NKX2-2: variants seen among roughly 807,000 people sequenced by gnomAD.
The protein encoded by NKX2-2 is homeobox protein Nkx-2.2.
NKX2-2 carries 8 observed loss-of-function variants against 24.6 expected under a neutral mutation model. That is an observed-to-expected ratio of 0.32 (90% CI 0.19 to 0.59). The LOEUF (loss-of-function observed/expected upper bound fraction) is 0.59, where lower values mean the gene tolerates loss of function less well. NKX2-2 is among the 20% of genes least tolerant of loss of function. The pLI is 0.86. For missense variants in NKX2-2, 381 were observed against 373.9 expected, an observed-to-expected ratio of 1.02 and a Z score of -0.16; for synonymous variants, 217 against 173.3, an observed-to-expected ratio of 1.25 and a Z score of -1.98.
chr20:21,521,911 T>TC, the NKX2-2 span, among the ~76,000 whole-genome samples: 1 of 151,780 alleles, frequency 6.6e-6, no homozygotes, highest in Admixed American at 6.6e-5. Context: ...TCTGCGCCCT[T>TC]CCCCCACCGC....
Position 21,511,808 on chromosome 20 carries a change from CATA to C in NKX2-2, c.*112_*114del. On this transcript the variant is annotated 3_prime_UTR_variant, in exon 2 of 2. Coordinates refer to ENST00000377142, the MANE Select transcript of NKX2-2 (RefSeq NM_002509.4). ...GTGGAGCCGAGAGTCAACTCGACTC[CATA>C]ATAATAATTATAATAATAATAATAA... 1.2e-6 allele frequency: 1 copy of C among 807,594 alleles called. No homozygotes were observed. The highest frequency in any genetic ancestry group is 2.6e-5 in the South Asian group (1 of 38,424). 50.0% of individuals were successfully genotyped at this position (807,594 alleles called of 1,614,324 possible).
rs766192718 is a variant in NKX2-2 at position 21,512,312 on chromosome 20, G to T, written c.433C>A (p.Arg145=). The stretch of plus-strand genomic sequence containing the variant: ...AGGTACCGCTGCTGCCGAAAGCGCC[G>T]CTCCAGCTCGTAGGTCTGCGCCTTG... The part of the protein sequence containing the change: ...FSKAQTYELE[R]RFRQQRYLSA... The change falls in exon 2 of 2, where the codon CGG becomes AGG. Residue 145 remains arginine, a synonymous_variant. Transcript: ENST00000377142. 1.9e-6 allele frequency: 3 copies of T among 1,613,430 alleles called. No homozygotes were observed. Among genetic ancestry groups the T allele is most frequent in the South Asian group, 1.1e-5 (1 of 91,040 alleles).
rs115780948 is a variant in NKX2-2 at position 21,513,575 on chromosome 20, G to C, written c.95C>G (p.Pro32Arg). The change falls in exon 1 of 2, where the codon CCG becomes CGG. Residue 32 changes from proline to arginine, a missense_variant. This residue lies in a region of NKX2-2 where 206 missense variants were observed against 173.1 expected (regional missense o/e 1.19). Transcript: ENST00000377142. This position sits in a 1 kb window ranked among gnomAD's most constrained non-coding sequence, Gnocchi z 4.6. ...NDEEGSVAEG[P>R]EEENEGPEPA... ...CTCGGGCCCCTCGTTCTCTTCCTCCGGACCTTCGGCCACAGAGCCCTCCTC... is the reference window on the plus strand; with the variant it reads ...CTCGGGCCCCTCGTTCTCTTCCTCCCGACCTTCGGCCACAGAGCCCTCCTC... 1 of 1,613,492 alleles carries C rather than the reference G, an allele frequency of 6.2e-7. No individual in the cohort carries two copies. The highest frequency in any genetic ancestry group is 1.1e-5 in the South Asian group (1 of 90,944).
chr20:21,515,053 G>C (rs966077027), upstream of NKX2-2, among the ~76,000 whole-genome samples: 1 of 152,148 alleles, frequency 6.6e-6, no homozygotes, highest in Non-Finnish European at 1.5e-5. Flanking sequence ...GCGGTCCCGG[G>C]GAGGGCGGGG....
chr20:21,521,963 C>A, the NKX2-2 span, among the ~76,000 whole-genome samples: 1 of 152,332 alleles, frequency 6.6e-6, no homozygotes, highest in East Asian at 1.9e-4. Context: ...AGGCGGGGAC[C>A]GCCGCGGGTG....
chr20:21,522,611 G>A, the NKX2-2 span, among the ~76,000 whole-genome samples: 1 of 151,932 alleles, frequency 6.6e-6, no homozygotes, highest in Non-Finnish European at 1.5e-5. Flanking sequence ...CGAGCGCGCA[G>A]GTCCCGGCCG....
chr20:21,518,718 A>G (rs1421291065), upstream of NKX2-2, among the ~76,000 whole-genome samples: 1 of 152,130 alleles, frequency 6.6e-6, no homozygotes, highest in Non-Finnish European at 1.5e-5. Context: ...CTGCCCTCCC[A>G]CGCCTCAGCT....
upstream of NKX2-2, among the ~76,000 whole-genome samples, chr20:21,514,509 G>C (rs1248546878): frequency 1.3e-5 from 2 of 151,764 alleles, no homozygotes; most frequent in Non-Finnish European, 2.9e-5. Flanking sequence ...AAAGGTGGGG[G>C]TGGGGAGGAG....
chr20:21,522,315 C>T, the NKX2-2 span, among the ~76,000 whole-genome samples: 1 of 152,186 alleles, frequency 6.6e-6, no homozygotes, highest in Non-Finnish European at 1.5e-5. Flanking sequence ...GCTCCGGCGC[C>T]GCTCGGCGGC....
At position 21,511,431 on chromosome 20, in the gene NKX2-2, T is replaced by G. The variant is rs1228924057; in HGVS notation, c.*492A>C. 1 of 152,800 alleles carries G rather than the reference T, an allele frequency of 6.5e-6. No homozygotes were observed. Among genetic ancestry groups the G allele is most frequent in the Non-Finnish European group, 1.5e-5 (1 of 68,270 alleles). 9.5% of individuals were successfully genotyped at this position (152,800 alleles called of 1,614,324 possible). Reference sequence around the variant, plus strand: ...TTTACATGGCCATAAATATTTAGCATTTTCTTATTTTTTTTTAAAAAAAGG... The same window carrying G: ...TTTACATGGCCATAAATATTTAGCAGTTTCTTATTTTTTTTTAAAAAAAGG... On this transcript the variant is annotated 3_prime_UTR_variant, in exon 2 of 2. Coordinates refer to ENST00000377142, the MANE Select transcript of NKX2-2 (RefSeq NM_002509.4).
upstream of NKX2-2, among the ~76,000 whole-genome samples, chr20:21,514,879 G>T (rs553070504): frequency 2.3e-4 from 35 of 152,224 alleles, no homozygotes; most frequent in East Asian, 4.5e-3. Flanking sequence ...GCTCCGGGCC[G>T]GCCAGAGCCA....
chr20:21,521,544 C>T, the NKX2-2 span, among the ~76,000 whole-genome samples: 1 of 152,230 alleles, frequency 6.6e-6, no homozygotes, highest in African/African-American at 2.4e-5. Context: ...CACTTGCCCT[C>T]GTGCTCATCA....
rs887515439 is a variant in NKX2-2 at position 21,513,222 on chromosome 20, G to C, written c.259+189C>G. On this transcript the variant is annotated intron_variant, in intron 1 of 1. Coordinates refer to ENST00000377142, the MANE Select transcript of NKX2-2 (RefSeq NM_002509.4). The surrounding 1 kb of genome is among the most constrained non-coding windows in gnomAD (Gnocchi z 4.6). ...AATTTTGGAGACCAAGTTCTTTCCC[G>C]GAACTAAGGAGGCTTGAAGAGGAGG... Among the ~76,000 whole-genome samples, 4 of 152,168 alleles carry C rather than the reference G, an allele frequency of 2.6e-5. No homozygotes were observed. Among genetic ancestry groups the C allele is most frequent in the Admixed American group, 1.3e-4 (2 of 15,284 alleles).
the NKX2-2 span, among the ~76,000 whole-genome samples, chr20:21,521,594 C>G: frequency 6.6e-6 from 1 of 152,330 alleles, no homozygotes; most frequent in African/African-American, 2.4e-5. Flanking sequence ...TGAGGAGAAG[C>G]CCCTGTCTCC....
the NKX2-2 span, among the ~76,000 whole-genome samples, chr20:21,519,987 G>C: frequency 6.6e-6 from 1 of 152,046 alleles, no homozygotes; most frequent in Non-Finnish European, 1.5e-5. Flanking sequence ...CCTGCTTTGG[G>C]TTCAAGCCTA....
chr20:21,521,200 A>C, the NKX2-2 span, among the ~76,000 whole-genome samples: 1 of 151,844 alleles, frequency 6.6e-6, no homozygotes, highest in African/African-American at 2.4e-5. Context: ...GAGGTTCACA[A>C]CCTTCCCCTA....
At chr20:21,519,783 G>C in the NKX2-2 span, among the ~76,000 whole-genome samples, 2 of 152,330 alleles carry the variant, frequency 1.3e-5, no homozygotes, top group South Asian at 4.1e-4. Context: ...GAAGGAAACA[G>C]GGTCATAGGA....
Position 21,513,724 on chromosome 20 carries a change from G to C in NKX2-2, c.-55C>G, listed in dbSNP as rs1177312165. On this transcript the variant is annotated 5_prime_UTR_variant, in exon 1 of 2. Transcript: ENST00000377142. This position sits in a 1 kb window ranked among gnomAD's most constrained non-coding sequence, Gnocchi z 4.6. ...AGTTGTAGCTTCACTTGGTCAATTCGTGGCGCTCCCCTGCCCCGGCGGGCG... is the reference window on the plus strand; with the variant it reads ...AGTTGTAGCTTCACTTGGTCAATTCCTGGCGCTCCCCTGCCCCGGCGGGCG... The C allele has an allele frequency of 2.2e-5, 31 of 1,408,692 alleles. No individual in the cohort carries two copies. The highest frequency in any genetic ancestry group is 2.8e-5 in the Admixed American group (1 of 35,986). 87.3% of individuals were successfully genotyped at this position (1,408,692 alleles called of 1,614,324 possible).
chr20:21,515,414 A>G (rs1311458579), upstream of NKX2-2, among the ~76,000 whole-genome samples: 2 of 151,436 alleles, frequency 1.3e-5, no homozygotes, highest in African/African-American at 4.9e-5. Flanking sequence ...CTCTTTTTGG[A>G]CGCCTTGGGT....
Sources: gnomAD v4.1 joint callset for allele counts (sites outside exome capture counted in the v4.1 genomes callset) on GRCh38, gnomAD v4.1.1 for gene constraint, gnomAD v4.1.1 regional missense constraint, Gnocchi (gnomAD v3.1) non-coding constraint, MANE v1.5 for transcripts, NCBI Gene and HGNC (gene_info 2026-07-23, HGNC 2026-07-21) for gene names.